PRDM11: variants seen among roughly 807,000 people sequenced by gnomAD.
PRDM11 encodes the protein PR domain-containing protein 11.
In PRDM11, 20 loss-of-function variants were observed where a neutral mutation model predicts 97.8. The observed-to-expected ratio is 0.20, with a 90% CI of 0.14 to 0.30. The LOEUF is 0.30. Ranked by LOEUF, PRDM11 falls within the 10% of genes least tolerant of loss-of-function variation. The pLI is 1.00. For synonymous variants in PRDM11, 599 were observed against 637.7 expected (o/e 0.94, Z 0.91); for missense variants, 1,139 against 1,555.2 (o/e 0.73, Z 4.50).
At chr11:45,160,642 A>ACTGACG (rs1214222592) in intron 1 of PRDM11, among the ~76,000 whole-genome samples, 1 of 152,230 alleles carries the variant, frequency 6.6e-6, no homozygotes, top group Non-Finnish European at 1.5e-5. Flanking sequence ...TCATTTAACC[A>ACTGACG]TCCCCCCACC....
chr11:45,156,587 A>C (rs1428484073), intron 1 of PRDM11, among the ~76,000 whole-genome samples: 1 of 152,256 alleles, frequency 6.6e-6, no homozygotes, highest in Non-Finnish European at 1.5e-5. Flanking sequence ...TTGCCACATC[A>C]TTTTTAATTT....
chr11:45,145,426 ACCATGAACGCCCATCTGC>A (rs1469098444), upstream of PRDM11, among the ~76,000 whole-genome samples: 2 of 151,902 alleles, frequency 1.3e-5, no homozygotes, highest in African/African-American at 4.8e-5. Flanking sequence ...CGCCCATCTG[ACCATGAACGCCCATCTGC>A]GGATCGCCAG....
At chr11:45,107,751 C>A (rs1171683048) in intron 1 of PRDM11, among the ~76,000 whole-genome samples, 1 of 151,912 alleles carries the variant, frequency 6.6e-6, no homozygotes, top group Non-Finnish European at 1.5e-5. Context: ...TGGCATTGTA[C>A]AAATTAAACT....
chr11:45,119,619 C>CAAAAAAAAAAAAAAAA (rs56367204), intron 1 of PRDM11, among the ~76,000 whole-genome samples: 9 of 43,060 alleles, frequency 2.1e-4, no homozygotes, highest in African/African-American at 1.1e-3. Context: ...GATTCTGTCT[C>CAAAAAAAAAAAAAAAA]AAAAAAAAAA....
At chr11:45,182,559 G>T (rs1267148370) in intron 3 of PRDM11, among the ~76,000 whole-genome samples, 1 of 152,204 alleles carries the variant, frequency 6.6e-6, no homozygotes, top group East Asian at 1.9e-4. Context: ...CTTGGTGAGG[G>T]TTAAGTATCC....
chr11:45,209,372 T>G, intron 5 of PRDM11: 1 of 334,826 alleles, frequency 3.0e-6, no homozygotes. Flanking sequence ...TCCCACCGAC[T>G]TTCCCTCTGG....
At position 45,224,615 on chromosome 11, in the gene PRDM11, G is replaced by A. The variant is rs752160150; in HGVS notation, c.1141G>A (p.Glu381Lys). The change falls in exon 7 of 8, where the codon GAA (glutamate) becomes AAA (lysine). Residue 381 changes from glutamate (E) to lysine (K), a missense_variant. Around this residue, in one of 2 missense-constraint regions of PRDM11, gnomAD observed 429 missense variants for 510.3 expected, o/e 0.84. Transcript: ENST00000683152. ...VSKEPGQLED[E>K]EEEPSSFKAD... ...CAAGGAGCCAGGCCAATTGGAGGAT[G>A]AAGAAGAGGAGCCTTCATCATTCAA... 1.2e-6 allele frequency: 2 copies of A among 1,614,176 alleles called. No individual in the cohort carries two copies. Among genetic ancestry groups the A allele is most frequent in the South Asian group, 2.2e-5 (2 of 91,076 alleles).
intron 1 of PRDM11, among the ~76,000 whole-genome samples, chr11:45,158,113 A>G (rs1410502116): frequency 6.6e-6 from 1 of 152,168 alleles, no homozygotes; most frequent in East Asian, 1.9e-4. Context: ...GTCATTCCCA[A>G]CCCAGCCCAG....
chr11:45,226,777 A>G lies in PRDM11; in HGVS notation c.2152A>G (p.Ile718Val). The G allele has an allele frequency of 6.5e-7, 1 of 1,533,980 alleles. No homozygotes were observed. The highest frequency in any genetic ancestry group is 8.7e-7 in the Non-Finnish European group (1 of 1,146,730). ...TGACCGGGCCTTCTCGGCCTTGGGC[A>G]TCCGGTTGCAGGATGAAAAGCCAAC... is the stretch of plus-strand genomic sequence containing the variant. Reference protein sequence around the residue: ...ALDRAFSALGIRLQDEKPTVG... With the variant: ...ALDRAFSALGVRLQDEKPTVG... The change falls in exon 8 of 8, where the codon ATC becomes GTC. Residue 718 changes from isoleucine (I) to valine (V), a missense_variant. Ile to Val is a conservative substitution (Grantham distance 29, BLOSUM62 3). Coordinates refer to ENST00000683152, the MANE Select transcript of PRDM11 (RefSeq NM_001384648.1).
At chr11:45,224,944 C>G in intron 7 of PRDM11, 101 bp downstream of exon 7, 1 of 1,587,774 alleles carries the variant, frequency 6.3e-7, no homozygotes, top group Non-Finnish European at 8.5e-7. Flanking sequence ...TTCCGGGAGA[C>G]CTGAGGAGTG....
upstream of PRDM11, among the ~76,000 whole-genome samples, chr11:45,144,538 C>A (rs1290617292): frequency 6.6e-6 from 1 of 152,232 alleles, no homozygotes; most frequent in Non-Finnish European, 1.5e-5. Context: ...AGCTCATTCT[C>A]TTAAAGATCT....
At chr11:45,112,476 A>G (rs1404294250) in intron 1 of PRDM11, among the ~76,000 whole-genome samples, 1 of 152,232 alleles carries the variant, frequency 6.6e-6, no homozygotes. Context: ...GCTAGATCAA[A>G]TGGTAGTTCT....
At chr11:45,094,932 G>A (rs1851867557), upstream of PRDM11, among the ~76,000 whole-genome samples, 2 of 151,850 alleles carry the variant, frequency 1.3e-5, no homozygotes, top group African/African-American at 4.8e-5. Context: ...AAGGGAGGGA[G>A]ATGAGGAGAC....
At chr11:45,114,914 C>T (rs1852267908) in intron 1 of PRDM11, among the ~76,000 whole-genome samples, 1 of 152,082 alleles carries the variant, frequency 6.6e-6, no homozygotes, top group Non-Finnish European at 1.5e-5. Context: ...AGAAAACTCA[C>T]TGCCAGTAGA....
At chr11:45,168,475 C>T (rs1270431852) in intron 1 of PRDM11, among the ~76,000 whole-genome samples, 2 of 152,176 alleles carry the variant, frequency 1.3e-5, no homozygotes, top group South Asian at 2.1e-4. Flanking sequence ...CTGCCTGCGC[C>T]GAGTGGCTGG....
intron 1 of PRDM11, among the ~76,000 whole-genome samples, chr11:45,159,356 T>G (rs1851878167): frequency 6.6e-6 from 1 of 152,182 alleles, no homozygotes; most frequent in Non-Finnish European, 1.5e-5. Context: ...GCCACCCCCT[T>G]TTCTCAGAGC....
chr11:45,144,782 C>A (rs1254107499), upstream of PRDM11, among the ~76,000 whole-genome samples: 2 of 152,332 alleles, frequency 1.3e-5, no homozygotes, highest in East Asian at 3.9e-4. Context: ...CTTGGTGAAT[C>A]TTTCTCCTCA....
intron 1 of PRDM11, among the ~76,000 whole-genome samples, chr11:45,177,292 A>T (rs944499747): frequency 1.1e-4 from 17 of 152,222 alleles, no homozygotes; most frequent in African/African-American, 3.9e-4. Flanking sequence ...GCATGTGCAG[A>T]CTTAGAGGAG....
intron 1 of PRDM11, among the ~76,000 whole-genome samples, chr11:45,141,289 T>C (rs1016402212): frequency 3.3e-5 from 5 of 152,326 alleles, no homozygotes; most frequent in African/African-American, 1.2e-4. Flanking sequence ...TCCCTCCTCC[T>C]GGTGGCTGCA....
Sources: gnomAD v4.1 joint callset for allele counts (sites outside exome capture counted in the v4.1 genomes callset) on GRCh38, gnomAD v4.1.1 for gene constraint, gnomAD v4.1.1 regional missense constraint, MANE v1.5 for transcripts, NCBI Gene and HGNC (gene_info 2026-07-23, HGNC 2026-07-21) for gene names.